Variants in TMEM132E observed in about 807,000 individuals in gnomAD.
TMEM132E encodes the protein transmembrane protein 132E.
In TMEM132E, 49 loss-of-function variants were observed where a neutral mutation model predicts 78.5. That is an observed-to-expected ratio of 0.62 (90% CI 0.50 to 0.79). The LOEUF is 0.79. Ranked by LOEUF, TMEM132E falls within the 30% of genes least tolerant of loss-of-function variation. The pLI is 0.00. For synonymous variants in TMEM132E, 715 were observed against 670.6 expected (o/e 1.07, Z -1.02); for missense variants, 1,403 against 1,470.9 (o/e 0.95, Z 0.75).
In TMEM132E at chr17:34,626,512, G is replaced by A. The variant is rs1313771027; in HGVS notation, c.453G>A (p.Arg151=). 6.2e-7 allele frequency: 1 copy of A among 1,607,906 alleles called. No homozygotes were observed. ...VVQVLFYVAG[R]DWDDFGVTER... ...AGGTGCTGTTCTACGTAGCCGGCCG[G>A]GACTGGGACGACTTCGGCGTCACCG... The change falls in exon 2 of 9, where the codon CGG becomes CGA. Residue 151 remains arginine, a synonymous_variant. Coordinates refer to ENST00000631683, the MANE Select transcript of TMEM132E (RefSeq NM_001304438.2).
chr17:34,629,967 A>AG (rs777919058), intron 4 of TMEM132E, 41 bp from the exon 5 acceptor site: 135 of 1,571,180 alleles, frequency 8.6e-5, no homozygotes, highest in Non-Finnish European at 1.2e-4. Context: ...CCAGGACAGA[A>AG]GGGGACCACA....
chr17:34,606,849 A>G (rs1906428350), intron 1 of TMEM132E, among the ~76,000 whole-genome samples: 1 of 152,156 alleles, frequency 6.6e-6, no homozygotes, highest in South Asian at 2.1e-4. Flanking sequence ...GTAAAACAGT[A>G]CAAGGGCCCT....
Position 34,638,509 on chromosome 17 carries a change from A to C in TMEM132E, c.*277A>C, listed in dbSNP as rs1907631536. 2 of 371,700 alleles carry C rather than the reference A, an allele frequency of 5.4e-6. No individual in the cohort carries two copies. The highest frequency in any genetic ancestry group is 4.8e-6 in the Non-Finnish European group (1 of 208,916). 23.0% of individuals were successfully genotyped at this position (371,700 alleles called of 1,614,324 possible). A position where few individuals can be genotyped will look rare whatever the true frequency, so the allele number is the denominator to read the frequency against. On this transcript the variant is annotated 3_prime_UTR_variant, in exon 9 of 9. Coordinates refer to ENST00000631683, the MANE Select transcript of TMEM132E (RefSeq NM_001304438.2). ...CCCAGCCTCTGTTCTGCCCTTTCCAAACCTCCTCCCATCTTAAGCAACCCC... is the reference window on the plus strand; with the variant it reads ...CCCAGCCTCTGTTCTGCCCTTTCCACACCTCCTCCCATCTTAAGCAACCCC...
chr17:34,638,205 C>G lies in TMEM132E; in HGVS notation c.3198C>G (p.Tyr1066Ter), dbSNP rs773194998. The G allele has an allele frequency of 6.2e-7, 1 of 1,600,964 alleles. No individual in the cohort carries two copies. Residue 1066 changes from tyrosine to a stop codon, truncating the protein, a stop_gained, in exon 9 of 9, where the codon TAC becomes TAG. Transcript: ENST00000631683. LOFTEE classifies it high-confidence loss of function. ...RPTAPPDLHN[Y>*]MRRIKEIA Reference sequence around the variant, plus strand: ...CTGCACCCCCGGACCTGCACAATTACATGCGCAGAATCAAAGAGATTGCAT... The same window carrying G: ...CTGCACCCCCGGACCTGCACAATTAGATGCGCAGAATCAAAGAGATTGCAT...
rs542406830 is a variant in TMEM132E, at chr17:34,634,898, G to T, written c.1788G>T (p.Gln596His). Reference sequence around the variant, plus strand: ...TGCAGTACCAGCATGCCACCCTGCAGGTCTTCACCCAGTTCCACACGACAT... The same window carrying T: ...TGCAGTACCAGCATGCCACCCTGCATGTCTTCACCCAGTTCCACACGACAT... ...CTLQYQHATL[Q>H]VFTQFHTTSS... The change falls in exon 7 of 9, where the codon CAG becomes CAT. Residue 596 changes from glutamine to histidine, a missense_variant. This residue lies in a region of TMEM132E where 888 missense variants were observed against 952.8 expected (regional missense o/e 0.93). Transcript: ENST00000631683. 3 of 1,614,162 alleles carry T rather than the reference G, an allele frequency of 1.9e-6. No homozygotes were observed. The highest frequency in any genetic ancestry group is 2.2e-5 in the South Asian group (2 of 91,082).
At chr17:34,628,833 G>A (rs955797945) in intron 3 of TMEM132E, 124 bp downstream of exon 3, 1 of 1,391,702 alleles carries the variant, frequency 7.2e-7, no homozygotes, top group Non-Finnish European at 9.5e-7. Context: ...GGGTCTCTGA[G>A]GTCCAGGCCC....
chr17:34,581,231 A>AC, intron 1 of TMEM132E, 88 bp downstream of exon 1: 1 of 1,156,226 alleles, frequency 8.6e-7, no homozygotes, highest in Non-Finnish European at 1.1e-6. Flanking sequence ...GAGCACCCAC[A>AC]CCCCCTGGAC....
chr17:34,595,668 G>A (rs1906033136), intron 1 of TMEM132E, among the ~76,000 whole-genome samples: 2 of 152,214 alleles, frequency 1.3e-5, no homozygotes, highest in African/African-American at 2.4e-5. Flanking sequence ...AGTCCAGAGA[G>A]GGGAGGAGTT....
In TMEM132E at chr17:34,626,288, G is replaced by T; in HGVS notation, c.229G>T (p.Glu77Ter). The T allele has an allele frequency of 6.2e-7, 1 of 1,609,988 alleles. No individual in the cohort carries two copies. ...AVANSSLQRS[E>*]PFVVFQTKEL... is the part of the protein sequence containing the mutation. ...CGCCAACAGCTCTCTGCAGCGCTCC[G>T]AGCCCTTCGTGGTGTTCCAGACCAA... The change falls in exon 2 of 9, where the codon GAG (glutamate) becomes TAG (stop). Residue 77 changes from glutamate to a stop codon, truncating the protein, a stop_gained. Coordinates refer to ENST00000631683, the MANE Select transcript of TMEM132E (RefSeq NM_001304438.2). LOFTEE classifies it high-confidence loss of function.
rs561369581 is a variant in TMEM132E at position 34,629,937 on chromosome 17, G to A, written c.1339-71G>A. ...AGTGGGGGGGGAGCGTCCAGGAGCT[G>A]GGGCCTTGGCTAGTGTGTCCCAGGA... On this transcript the variant is annotated intron_variant, in intron 4 of 8. Coordinates refer to ENST00000631683, the MANE Select transcript of TMEM132E (RefSeq NM_001304438.2). 702 of 1,489,070 alleles carry A rather than the reference G, an allele frequency of 4.7e-4. 2 individuals carry two copies. The Admixed American group carries it at 0.012, about 26-fold the overall frequency. The allele number at this position is 1,489,070 out of a possible 1,614,324, so 92.2% of individuals were successfully genotyped here.
chr17:34,632,946 T>C (rs1296061893), intron 6 of TMEM132E, 37 bp downstream of exon 6: 1 of 1,607,544 alleles, frequency 6.2e-7, no homozygotes, highest in African/African-American at 1.3e-5. Flanking sequence ...CTTGGGAAAC[T>C]CATGGGTGGA....
At chr17:34,636,352 T>C (rs1907522734) in intron 8 of TMEM132E, among the ~76,000 whole-genome samples, 154 bp downstream of exon 8, 1 of 152,160 alleles carries the variant, frequency 6.6e-6, no homozygotes, top group Non-Finnish European at 1.5e-5. Flanking sequence ...GCCCACCCTA[T>C]GGCCACAACA....
In TMEM132E at chr17:34,617,250, C is replaced by T. The variant is rs989606; in HGVS notation, c.68-8877C>T. ...AAAGGAAAGAAACTGCCCAAGGTTA[C>T]GCAGCAGATCAGTGACAGAGCTTTC... On this transcript the variant is annotated intron_variant, in intron 1 of 8. Transcript: ENST00000631683. Among the ~76,000 whole-genome samples, 1,098 of 152,376 alleles carry T rather than the reference C, an allele frequency of 7.2e-3. 12 individuals are homozygous for T. Among genetic ancestry groups the T allele is most frequent in the African/African-American group, 0.024 (1,016 of 41,586 alleles).
At chr17:34,623,179 G>C (rs774054233) in intron 1 of TMEM132E, among the ~76,000 whole-genome samples, 21 of 152,230 alleles carry the variant, frequency 1.4e-4, no homozygotes, top group Admixed American at 5.9e-4. Flanking sequence ...GGGGGGTGAG[G>C]GGATCCGGGT....
rs947126443 is a variant in TMEM132E at position 34,623,114 on chromosome 17, C to G, written c.68-3013C>G. Among the ~76,000 whole-genome samples the G allele has an allele frequency of 2.0e-5, 3 of 152,212 alleles. 1 individual carries two copies. The highest frequency in any genetic ancestry group is 6.5e-5 in the Admixed American group (1 of 15,290). The stretch of plus-strand genomic sequence containing the variant: ...TTTTCTCAGTGTAATCCAAGAACAG[C>G]AAATGGTTTGGATGATCCAGGATGT... On this transcript the variant is annotated intron_variant, in intron 1 of 8. Transcript: ENST00000631683.
intron 1 of TMEM132E, chr17:34,614,678 A>G (rs553558366): frequency 6.6e-6 from 1 of 152,188 alleles, no homozygotes; most frequent in African/African-American, 2.4e-5. Context: ...TACATCTGAT[A>G]TCTCTCCTCT....
rs764680083 is a variant in TMEM132E at position 34,638,232 on chromosome 17, G to A, written c.3225G>A (p.Ter1075=). 1.9e-6 allele frequency: 3 copies of A among 1,561,586 alleles called. No homozygotes were observed. The African/African-American group carries it at 4.1e-5, about 21-fold the overall frequency. Residue 1075 remains the stop codon, a stop_retained_variant, in exon 9 of 9, where the codon TAG becomes TAA. Coordinates refer to ENST00000631683, the MANE Select transcript of TMEM132E (RefSeq NM_001304438.2). ...NYMRRIKEIA[*] Reference sequence around the variant, plus strand: ...TGCGCAGAATCAAAGAGATTGCATAGAGGCGCCAGCCGGAGTAGCAGGGAC... The same window carrying A: ...TGCGCAGAATCAAAGAGATTGCATAAAGGCGCCAGCCGGAGTAGCAGGGAC...
At position 34,585,158 on chromosome 17, in the gene TMEM132E, A is replaced by T. The variant is rs117741449; in HGVS notation, c.67+4015A>T. On this transcript the variant is annotated intron_variant, in intron 1 of 8. Transcript: ENST00000631683. The stretch of plus-strand genomic sequence containing the variant: ...CACAACATAGCCTTGTTAATGTTTA[A>T]GACCAGTAGGTGGGGATGTGTTATA... 1.0e-2 allele frequency among the ~76,000 whole-genome samples: 1,518 copies of T among 152,362 alleles called. 13 individuals carry two copies. The highest frequency in any genetic ancestry group is 0.025 in the South Asian group (119 of 4,832).
Position 34,636,218 on chromosome 17 carries a change from AC to A in TMEM132E, c.2169+22del. ...AAGCAGGTAACTGGCTCCTTGGCCC[AC>A]CAGCCAGGGAGTTGGTGGTATGGAA... On this transcript the variant is annotated intron_variant, in intron 8 of 8. Transcript: ENST00000631683. 1 of 1,441,818 alleles carries A rather than the reference AC, an allele frequency of 6.9e-7. No homozygotes were observed. The highest frequency in any genetic ancestry group is 1.5e-5 in the South Asian group (1 of 65,226). The allele number at this position is 1,441,818 out of a possible 1,614,324, so 89.3% of individuals were successfully genotyped here. A position where few individuals can be genotyped will look rare whatever the true frequency, so the allele number is the denominator to read the frequency against.
Sources: allele counts gnomAD v4.1 joint callset (sites outside exome capture counted in the v4.1 genomes callset), GRCh38; gene constraint gnomAD v4.1.1; regional missense constraint gnomAD v4.1.1; transcripts MANE v1.5; gene names NCBI Gene and HGNC (gene_info 2026-07-23, HGNC 2026-07-21).